Variants in UVRAG observed in about 807,000 individuals in gnomAD.
The protein encoded by UVRAG is UV radiation resistance associated.
In UVRAG, 19 loss-of-function variants were observed where a neutral mutation model predicts 78.0. The ratio of observed to expected loss-of-function variants is 0.24; its 90% CI spans 0.17 to 0.36. UVRAG has a LOEUF of 0.36. Among genes scored for constraint, UVRAG ranks in the 10% least tolerant of loss-of-function variants. UVRAG has a pLI of 1.00. For missense variants in UVRAG, 740 were observed against 853.8 expected, an observed-to-expected ratio of 0.87 and a Z score of 1.66; for synonymous variants, 323 against 324.6, an observed-to-expected ratio of 1.00 and a Z score of 0.05.
At chr11:76,131,153 A>G (rs1168021880) in intron 14 of UVRAG, among the ~76,000 whole-genome samples, 1 of 152,088 alleles carries the variant, frequency 6.6e-6, no homozygotes, top group Non-Finnish European at 1.5e-5. Context: ...CAGTCCTCAT[A>G]ATGTTGGTTG....
At chr11:75,839,645 T>C (rs1317091372) in intron 1 of UVRAG, among the ~76,000 whole-genome samples, 17 of 152,134 alleles carry the variant, frequency 1.1e-4, no homozygotes, top group Admixed American at 1.1e-3. Flanking sequence ...AGTTTTTCTT[T>C]AGGCTCCTAT....
At chr11:75,879,660 GCTT>G (rs1946894865) in intron 3 of UVRAG, among the ~76,000 whole-genome samples, 3 of 152,150 alleles carry the variant, frequency 2.0e-5, no homozygotes, top group African/African-American at 4.8e-5. Context: ...AGGAATATAC[GCTT>G]CTTCTAATGA....
chr11:76,137,329 C>T (rs760727316), intron 14 of UVRAG: 36 of 455,374 alleles, frequency 7.9e-5, no homozygotes, highest in Non-Finnish European at 1.5e-4. Context: ...AGACCTGCGT[C>T]CTACAGAACA....
At chr11:75,833,599 T>C (rs902461478) in intron 1 of UVRAG, among the ~76,000 whole-genome samples, 3 of 151,906 alleles carry the variant, frequency 2.0e-5, no homozygotes, top group Non-Finnish European at 2.9e-5. Flanking sequence ...TAGAGAAATA[T>C]AGAGGTGTGG....
At chr11:75,978,947 G>C (rs1949321518) in intron 7 of UVRAG, among the ~76,000 whole-genome samples, 2 of 152,210 alleles carry the variant, frequency 1.3e-5, no homozygotes, top group South Asian at 4.1e-4. Context: ...AGGAGAAGAG[G>C]TGCTCTGATT....
chr11:75,903,832 G>A (rs149768909), intron 5 of UVRAG, among the ~76,000 whole-genome samples: 1 of 152,188 alleles, frequency 6.6e-6, no homozygotes, highest in East Asian at 1.9e-4. Context: ...ATAAGTATAT[G>A]TATAATGCTA....
intron 13 of UVRAG, among the ~76,000 whole-genome samples, chr11:76,111,101 G>A (rs535087173): frequency 1.8e-4 from 28 of 152,062 alleles, no homozygotes; most frequent in South Asian, 6.2e-4. Context: ...CAGTCTACCC[G>A]CCTGAATATG....
At chr11:75,890,243 CA>C (rs1947186771) in intron 5 of UVRAG, among the ~76,000 whole-genome samples, 1 of 152,198 alleles carries the variant, frequency 6.6e-6, no homozygotes, top group Non-Finnish European at 1.5e-5. Context: ...TCAGTAATTT[CA>C]TTCTGGCTGC....
intron 3 of UVRAG, 108 bp downstream of exon 3, chr11:75,861,888 T>G: frequency 1.1e-6 from 1 of 888,074 alleles, no homozygotes; most frequent in Non-Finnish European, 1.8e-6. Flanking sequence ...TATGATACTT[T>G]AACGGATCTG....
chr11:76,036,520 A>G lies in UVRAG; in HGVS notation c.1226+19540A>G, dbSNP rs78435201. Among the ~76,000 whole-genome samples the G allele has an allele frequency of 9.0e-3, 1,373 of 152,284 alleles. 19 individuals are homozygous for G. The highest frequency in any genetic ancestry group is 0.032 in the African/African-American group (1,309 of 41,542). ...GCCACTACCCGACTTCAACTTGTGC[A>G]ATAGAGTGAGACCCTGTCTCAAAAA... On this transcript the variant is annotated intron_variant, in intron 12 of 14. Coordinates refer to ENST00000356136, the MANE Select transcript of UVRAG (RefSeq NM_003369.4).
At chr11:75,864,613 TC>T (rs1946498283) in intron 3 of UVRAG, among the ~76,000 whole-genome samples, 1 of 152,266 alleles carries the variant, frequency 6.6e-6, no homozygotes, top group African/African-American at 2.4e-5. Context: ...GAATAGTTAG[TC>T]GTTTAAATGC....
intron 11 of UVRAG, among the ~76,000 whole-genome samples, chr11:76,012,253 C>T (rs1395192731): frequency 6.6e-6 from 1 of 151,376 alleles, no homozygotes; most frequent in Non-Finnish European, 1.5e-5. Context: ...CACATTTACC[C>T]TAATTCTCAC....
chr11:75,917,685 C>T (rs1947888027), intron 6 of UVRAG, among the ~76,000 whole-genome samples: 1 of 152,174 alleles, frequency 6.6e-6, no homozygotes, highest in African/African-American at 2.4e-5. Flanking sequence ...CGCGTTAATA[C>T]TCCTCTTCCT....
chr11:75,990,988 C>G (rs895065797), intron 8 of UVRAG, among the ~76,000 whole-genome samples: 14 of 152,136 alleles, frequency 9.2e-5, no homozygotes, highest in Non-Finnish European at 1.8e-4. Flanking sequence ...TCTCTAACTT[C>G]TAGTTTATCA....
intron 13 of UVRAG, among the ~76,000 whole-genome samples, chr11:76,087,300 T>C (rs1469678657): frequency 6.6e-6 from 1 of 152,248 alleles, no homozygotes; most frequent in Non-Finnish European, 1.5e-5. Context: ...TGCCATGTTC[T>C]AAAATTGACC....
chr11:76,087,534 T>C (rs57581754), intron 13 of UVRAG, among the ~76,000 whole-genome samples: 3,657 of 152,268 alleles, frequency 0.024, 149 homozygotes, highest in African/African-American at 0.082. Flanking sequence ...ACTTCAGTCC[T>C]CATAGCATGA....
intron 5 of UVRAG, among the ~76,000 whole-genome samples, chr11:75,898,939 C>T (rs1947418954): frequency 6.6e-6 from 1 of 151,564 alleles, no homozygotes. Flanking sequence ...GCAAGCAGAA[C>T]ATCATTCAGA....
intron 1 of UVRAG, among the ~76,000 whole-genome samples, chr11:75,826,712 T>A (rs1182118482): frequency 1.0e-4 from 15 of 144,464 alleles, no homozygotes; most frequent in Non-Finnish European, 1.8e-4. Flanking sequence ...TTTTTTTTTT[T>A]AAATGTTCTA....
intron 1 of UVRAG, among the ~76,000 whole-genome samples, chr11:75,839,471 A>T (rs1440977367): frequency 2.0e-5 from 3 of 151,244 alleles, no homozygotes; most frequent in African/African-American, 7.3e-5. Flanking sequence ...AAGGCATAGG[A>T]TGTGTGTGTG....
Sources: allele counts gnomAD v4.1 joint callset (sites outside exome capture counted in the v4.1 genomes callset), GRCh38; gene constraint gnomAD v4.1.1; transcripts MANE v1.5; gene names NCBI Gene and HGNC (gene_info 2026-07-23, HGNC 2026-07-21).